Variants in TIGAR observed in about 807,000 individuals in gnomAD.
TIGAR encodes the protein fructose-2,6-bisphosphatase TIGAR.
A neutral mutation model predicts 17.9 loss-of-function variants in TIGAR; 7 were observed. That is an observed-to-expected ratio of 0.39 (90% CI 0.22 to 0.73). TIGAR has a LOEUF of 0.73. TIGAR is among the 30% of genes least tolerant of loss of function. The pLI is 0.42. For synonymous variants in TIGAR, 94 were observed against 108.6 expected (o/e 0.87, Z 0.84); for missense variants, 258 against 327.4 (o/e 0.79, Z 1.64).
Position 4,321,258 on chromosome 12 carries a change from G to A in TIGAR, c.-14G>A. ...CGCGGCGCGGGGCCACCGACGGGAC[G>A]CGGCTCCGGGAACATGGCTCGCTTC... On this transcript the variant is annotated 5_prime_UTR_variant, in exon 1 of 6. Coordinates refer to ENST00000179259, the MANE Select transcript of TIGAR (RefSeq NM_020375.3). The surrounding 1 kb of genome is among the most constrained non-coding windows in gnomAD (Gnocchi z 5.2). 1 of 1,600,780 alleles carries A rather than the reference G, an allele frequency of 6.2e-7. No individual in the cohort carries two copies. Among genetic ancestry groups the A allele is most frequent in the East Asian group, 2.2e-5 (1 of 44,848 alleles).
intron 3 of TIGAR, among the ~76,000 whole-genome samples, chr12:4,343,410 C>A (rs565139992): frequency 3.3e-5 from 5 of 152,298 alleles, no homozygotes; most frequent in African/African-American, 1.2e-4. Flanking sequence ...AACTCTCCAC[C>A]CCAAATCAAC....
intron 1 of TIGAR, among the ~76,000 whole-genome samples, chr12:4,325,368 C>T (rs1864534142): frequency 1.3e-5 from 2 of 152,126 alleles, no homozygotes; most frequent in Non-Finnish European, 2.9e-5. Flanking sequence ...ATTAGCTCAT[C>T]TGTAATTTAG....
At chr12:4,326,331 GT>G (rs1460544490) in intron 1 of TIGAR, among the ~76,000 whole-genome samples, 1 of 152,180 alleles carries the variant, frequency 6.6e-6, no homozygotes, top group East Asian at 1.9e-4. Context: ...TAGTAAAACT[GT>G]TTTAGCCATC....
chr12:4,329,572 C>T (rs115399479), intron 1 of TIGAR, among the ~76,000 whole-genome samples: 9 of 152,088 alleles, frequency 5.9e-5, no homozygotes, highest in African/African-American at 2.2e-4. Context: ...CTCCTGACAT[C>T]GTGATCTACC....
chr12:4,353,255 A>T lies in TIGAR; in HGVS notation c.*564A>T, dbSNP rs1864857009. On this transcript the variant is annotated 3_prime_UTR_variant, in exon 6 of 6. Transcript: ENST00000179259. ...GGGCTTGAAATGTGGATGAATACAG[A>T]TTATGATTGCAGAATGGTCTGGGGG... 1 of 152,436 alleles carries T rather than the reference A, an allele frequency of 6.6e-6. No individual in the cohort carries two copies. The highest frequency in any genetic ancestry group is 1.5e-5 in the Non-Finnish European group (1 of 68,180). 9.4% of individuals were successfully genotyped at this position (152,436 alleles called of 1,614,324 possible). A position where few individuals can be genotyped will look rare whatever the true frequency, so the allele number is the denominator to read the frequency against.
At chr12:4,331,739 T>C (rs79030799) in intron 2 of TIGAR, among the ~76,000 whole-genome samples, 2,779 of 152,322 alleles carry the variant, frequency 0.018, 72 homozygotes, top group African/African-American at 0.063. Context: ...AAAAAAGAAC[T>C]ATTTTCACAT....
Position 4,352,085 on chromosome 12 carries a change from T to C in TIGAR, c.382-175T>C, listed in dbSNP as rs138260774. Among the ~76,000 whole-genome samples, 776 of 152,266 alleles carry C rather than the reference T, an allele frequency of 5.1e-3. 7 individuals are homozygous for C. The highest frequency in any genetic ancestry group is 0.018 in the African/African-American group (730 of 41,560). On this transcript the variant is annotated intron_variant, in intron 5 of 5. Coordinates refer to ENST00000179259, the MANE Select transcript of TIGAR (RefSeq NM_020375.3). ...ATTCCAGAAATGTGGTGGATACTTA[T>C]ATATGTCCATGAAACTACTGATTGA...
chr12:4,357,604 C>T lies in TIGAR; in HGVS notation c.*4913C>T, dbSNP rs184269561. On this transcript the variant is annotated 3_prime_UTR_variant, in exon 6 of 6. Coordinates refer to ENST00000179259, the MANE Select transcript of TIGAR (RefSeq NM_020375.3). ...GTCCAAACAAGATGGCTAAGTAGGT[C>T]GTCATGACAGGTAACTACCAGTGCT... Among the ~76,000 whole-genome samples the T allele has an allele frequency of 3.2e-4, 49 of 152,234 alleles. No homozygotes were observed. The highest frequency in any genetic ancestry group is 3.1e-3 in the Admixed American group (48 of 15,292).
chr12:4,347,431 G>T (rs1341541307), intron 3 of TIGAR, among the ~76,000 whole-genome samples: 2 of 152,176 alleles, frequency 1.3e-5, no homozygotes, highest in African/African-American at 4.8e-5. Flanking sequence ...TTGGGGAAGT[G>T]GGGATGGTTA....
In TIGAR at chr12:4,327,553, C is replaced by T. The variant is rs79109815; in HGVS notation, c.33-3727C>T. On this transcript the variant is annotated intron_variant, in intron 1 of 5. Transcript: ENST00000179259. Reference sequence around the variant, plus strand: ...AAGCTCAGCTGCCATGCATGGTTGGCTGAGACTTGGTTTTTATTACAGGAA... The same window carrying T: ...AAGCTCAGCTGCCATGCATGGTTGGTTGAGACTTGGTTTTTATTACAGGAA... Among the ~76,000 whole-genome samples, 1,342 of 152,228 alleles carry T rather than the reference C, an allele frequency of 8.8e-3. 105 individuals are homozygous for T. The East Asian group carries it at 0.2, about 22-fold the overall frequency.
Position 4,357,381 on chromosome 12 carries a change from G to A in TIGAR, c.*4690G>A, listed in dbSNP as rs1174512716. ...AAGCACAGACACAGGAGATGCAAAG[G>A]AAAGAAGTATTCAGTAGAGCGGTGG... On this transcript the variant is annotated 3_prime_UTR_variant, in exon 6 of 6. Transcript: ENST00000179259. Among the ~76,000 whole-genome samples the A allele has an allele frequency of 6.6e-6, 1 of 152,204 alleles. No homozygotes were observed. The highest frequency in any genetic ancestry group is 1.5e-5 in the Non-Finnish European group (1 of 68,038).
chr12:4,350,838 C>T (rs973638923), intron 4 of TIGAR, among the ~76,000 whole-genome samples: 2 of 151,478 alleles, frequency 1.3e-5, no homozygotes, highest in Non-Finnish European at 2.9e-5. Flanking sequence ...TGAAACTCAA[C>T]TTCCTTATAA....
chr12:4,321,251 A>T lies in TIGAR; in HGVS notation c.-21A>T. On this transcript the variant is annotated 5_prime_UTR_variant, in exon 1 of 6. Transcript: ENST00000179259. The surrounding 1 kb of genome is among the most constrained non-coding windows in gnomAD (Gnocchi z 5.2). Reference sequence around the variant, plus strand: ...GGGGCAGCGCGGCGCGGGGCCACCGACGGGACGCGGCTCCGGGAACATGGC... The same window carrying T: ...GGGGCAGCGCGGCGCGGGGCCACCGTCGGGACGCGGCTCCGGGAACATGGC... 1 of 1,600,376 alleles carries T rather than the reference A, an allele frequency of 6.2e-7. No homozygotes were observed. The highest frequency in any genetic ancestry group is 1.1e-5 in the South Asian group (1 of 91,084).
rs1242617958 is a variant in TIGAR, at chr12:4,359,543, TA to T, written c.*6859del. Among the ~76,000 whole-genome samples the T allele has an allele frequency of 6.6e-6, 1 of 152,124 alleles. No individual in the cohort carries two copies. The highest frequency in any genetic ancestry group is 2.4e-5 in the African/African-American group (1 of 41,426). On this transcript the variant is annotated 3_prime_UTR_variant, in exon 6 of 6. Coordinates refer to ENST00000179259, the MANE Select transcript of TIGAR (RefSeq NM_020375.3). The stretch of plus-strand genomic sequence containing the variant: ...GGGTGCTCATTGCTAATAGTGCCTT[TA>T]AAAAAATTACTGCATTGAATTCCAA...
intron 2 of TIGAR, among the ~76,000 whole-genome samples, chr12:4,336,604 A>T (rs1864662464): frequency 6.6e-6 from 1 of 152,178 alleles, no homozygotes; most frequent in African/African-American, 2.4e-5. Flanking sequence ...TGAAAAAGAC[A>T]AAGAAATGGA....
chr12:4,343,022 A>G (rs1864741467), intron 3 of TIGAR, among the ~76,000 whole-genome samples: 1 of 152,174 alleles, frequency 6.6e-6, no homozygotes, highest in African/African-American at 2.4e-5. Flanking sequence ...CCTAGGCTCA[A>G]AATAAAGGGA....
In TIGAR at chr12:4,353,394, G is replaced by C. The variant is rs1291193950; in HGVS notation, c.*703G>C. 1 of 152,154 alleles carries C rather than the reference G, an allele frequency of 6.6e-6. No individual in the cohort carries two copies. The highest frequency in any genetic ancestry group is 1.5e-5 in the Non-Finnish European group (1 of 68,028). The allele number at this position is 152,154 out of a possible 1,614,324, so 9.4% of individuals were successfully genotyped here. A position where few individuals can be genotyped will look rare whatever the true frequency, so the allele number is the denominator to read the frequency against. ...CCAAAGTCAAGTCAATGGAAACCAG[G>C]AAAGCCAAAAAAATGAAGAATATCC... On this transcript the variant is annotated 3_prime_UTR_variant, in exon 6 of 6. Transcript: ENST00000179259.
intron 3 of TIGAR, among the ~76,000 whole-genome samples, chr12:4,346,769 A>T (rs1334082042): frequency 7.0e-6 from 1 of 142,238 alleles, no homozygotes; most frequent in Non-Finnish European, 1.5e-5. Flanking sequence ...AATATATATT[A>T]AAAAAAAATG....
intron 5 of TIGAR, among the ~76,000 whole-genome samples, chr12:4,351,776 G>A (rs1370499532): frequency 6.6e-6 from 1 of 152,200 alleles, no homozygotes; most frequent in East Asian, 1.9e-4. Context: ...TTTCTTTGGA[G>A]TGTTCTGCTT....
Sources: gnomAD v4.1 joint callset for allele counts (sites outside exome capture counted in the v4.1 genomes callset) on GRCh38, gnomAD v4.1.1 for gene constraint, Gnocchi (gnomAD v3.1) non-coding constraint, MANE v1.5 for transcripts, NCBI Gene and HGNC (gene_info 2026-07-23, HGNC 2026-07-21) for gene names.